RSL1D1: variants seen among roughly 807,000 people sequenced by gnomAD.
RSL1D1 encodes the protein ribosomal L1 domain-containing protein 1.
In RSL1D1, 34 loss-of-function variants were observed where a neutral mutation model predicts 44.6. The ratio of observed to expected loss-of-function variants is 0.76; its 90% CI spans 0.58 to 1.02. The LOEUF is 1.02. Among genes scored for constraint, RSL1D1 ranks in the 50% least tolerant of loss-of-function variants. The pLI is 0.00. For missense variants in RSL1D1, 767 were observed against 568.1 expected (o/e 1.35, Z -3.56); for synonymous variants, 271 against 207.4 (o/e 1.31, Z -2.63).
intron 8 of RSL1D1, among the ~76,000 whole-genome samples, chr16:11,838,770 T>C (rs2053739948): frequency 1.3e-5 from 2 of 150,518 alleles, no homozygotes; most frequent in Non-Finnish European, 3.0e-5. Flanking sequence ...GGCACGAGAA[T>C]TGCTTGGGCA....
intron 8 of RSL1D1, among the ~76,000 whole-genome samples, chr16:11,838,870 A>AAAG (rs1567417446): frequency 7.3e-6 from 1 of 136,886 alleles, no homozygotes; most frequent in East Asian, 2.0e-4. Context: ...AAAAAAAAAC[A>AAAG]AAAAAAAACT....
intron 5 of RSL1D1, among the ~76,000 whole-genome samples, chr16:11,842,961 G>A (rs2053772973): frequency 7.0e-6 from 1 of 143,492 alleles, no homozygotes; most frequent in Non-Finnish European, 1.5e-5. Context: ...TTCACTCGTT[G>A]CCCAGGCTGG....
At chr16:11,845,512 A>G (rs1354249709) in intron 5 of RSL1D1, among the ~76,000 whole-genome samples, 1 of 152,110 alleles carries the variant, frequency 6.6e-6, no homozygotes, top group African/African-American at 2.4e-5. Context: ...TAGTATCTGG[A>G]GCTGCCCCGT....
At chr16:11,846,059 G>C (rs866016597) in intron 5 of RSL1D1, among the ~76,000 whole-genome samples, 1 of 150,614 alleles carries the variant, frequency 6.6e-6, no homozygotes, top group South Asian at 2.1e-4. Context: ...CTGAGGAATA[G>C]ATTTTAGTTT....
At chr16:11,850,480 G>T (rs1221255410) in intron 1 of RSL1D1, 62 bp from the exon 2 acceptor site, 4 of 1,521,342 alleles carry the variant, frequency 2.6e-6, no homozygotes, top group South Asian at 1.2e-5. Context: ...ACAAATAAAT[G>T]AAATGTTCTC....
Position 11,847,662 on chromosome 16 carries a change from T to A in RSL1D1, c.384+6A>T. ...ATAACTTGAAAATATTAACCAGGCT[T>A]CCTACCTGAGAAACGGTTTTAATTC... is the stretch of plus-strand genomic sequence containing the variant. On this transcript the variant is annotated splice_donor_region_variant and intron_variant, in intron 3 of 8. Transcript: ENST00000571133. 1 of 1,604,366 alleles carries A rather than the reference T, an allele frequency of 6.2e-7. No individual in the cohort carries two copies. Among genetic ancestry groups the A allele is most frequent in the South Asian group, 1.1e-5 (1 of 89,586 alleles).
At chr16:11,850,705 G>A (rs940948327) in intron 1 of RSL1D1, among the ~76,000 whole-genome samples, 1 of 152,158 alleles carries the variant, frequency 6.6e-6, no homozygotes, top group Non-Finnish European at 1.5e-5. Flanking sequence ...AGAGGGAAAC[G>A]TGCCCCTCCT....
At chr16:11,842,513 C>T (rs1454378335) in intron 5 of RSL1D1, among the ~76,000 whole-genome samples, 1 of 151,824 alleles carries the variant, frequency 6.6e-6, no homozygotes, top group Non-Finnish European at 1.5e-5. Flanking sequence ...GCTGGGACTA[C>T]AGGTCACCCA....
intron 1 of RSL1D1, 72 bp downstream of exon 1, chr16:11,851,336 G>A (rs2053836039): frequency 3.5e-6 from 5 of 1,436,382 alleles, no homozygotes; most frequent in Non-Finnish European, 4.9e-6. Context: ...ACGCACTCGG[G>A]TTCCGGCACC....
At chr16:11,842,293 T>C (rs2053768683) in intron 5 of RSL1D1, among the ~76,000 whole-genome samples, 1 of 150,506 alleles carries the variant, frequency 6.6e-6, no homozygotes, top group Admixed American at 6.6e-5. Flanking sequence ...ATCTGGCGAC[T>C]GCACTCCAGC....
intron 1 of RSL1D1, chr16:11,851,148 A>C (rs2053834511): frequency 1.9e-6 from 1 of 537,042 alleles, no homozygotes; most frequent in Non-Finnish European, 3.4e-6. Flanking sequence ...AGGGAAGCTA[A>C]GCCAGGTCGC....
In RSL1D1 at chr16:11,851,392, C is replaced by A; in HGVS notation, c.105+16G>T. 1 of 1,612,574 alleles carries A rather than the reference C, an allele frequency of 6.2e-7. No individual in the cohort carries two copies. The highest frequency in any genetic ancestry group is 1.3e-5 in the African/African-American group (1 of 75,048). On this transcript the variant is annotated intron_variant, in intron 1 of 8. Transcript: ENST00000571133. Reference sequence around the variant, plus strand: ...GCCACACTGCTTCCAAGCCACCCTCCCCAGGAACCACTCACCTGTTCTTTA... The same window carrying A: ...GCCACACTGCTTCCAAGCCACCCTCACCAGGAACCACTCACCTGTTCTTTA...
intron 2 of RSL1D1, among the ~76,000 whole-genome samples, chr16:11,848,633 C>T (rs1271122748): frequency 2.6e-5 from 4 of 152,104 alleles, no homozygotes; most frequent in Non-Finnish European, 5.9e-5. Flanking sequence ...ACTCCAGGCA[C>T]GTACCAGTTG....
intron 5 of RSL1D1, among the ~76,000 whole-genome samples, chr16:11,845,762 T>G (rs561111079): frequency 6.6e-6 from 1 of 151,984 alleles, no homozygotes; most frequent in South Asian, 2.1e-4. Context: ...TGCTCTGTCA[T>G]TCAGACTGGA....
In RSL1D1 at chr16:11,838,075, CTT is replaced by C; in HGVS notation, c.1183_1184del (p.Lys395GlufsTer3). ...CACGAGGTGTGCTGGGATTAGGACT[CTT>C]TGCTGGAGACTTCTTTCCTGTGGCA... is the stretch of plus-strand genomic sequence containing the variant. ...KHATGKKSPA[K>X]SPNPSTPRGK... On this transcript the variant is annotated frameshift_variant, in exon 9 of 9. Transcript: ENST00000571133. LOFTEE classifies it low-confidence loss of function (END_TRUNC). 1.3e-6 allele frequency: 2 copies of C among 1,594,394 alleles called. No homozygotes were observed. The highest frequency in any genetic ancestry group is 1.7e-6 in the Non-Finnish European group (2 of 1,174,980).
intron 8 of RSL1D1, among the ~76,000 whole-genome samples, chr16:11,838,647 A>C (rs1253563050): frequency 6.6e-6 from 1 of 151,688 alleles, no homozygotes; most frequent in Non-Finnish European, 1.5e-5. Flanking sequence ...ACTTGAGGCC[A>C]GGAGTTCAAG....
rs1032693891 is a variant in RSL1D1, at chr16:11,836,815, C to A, written c.*972G>T. 3 of 152,102 alleles carry A rather than the reference C, an allele frequency of 2.0e-5. No individual in the cohort carries two copies. Among genetic ancestry groups the A allele is most frequent in the Admixed American group, 6.5e-5 (1 of 15,270 alleles). 9.4% of individuals were successfully genotyped at this position (152,102 alleles called of 1,614,324 possible). Reference sequence around the variant, plus strand: ...AATTCCGTAGCCGACTCTCATACAGCGAGACCCTCACTGGGCCACTCTGGG... The same window carrying A: ...AATTCCGTAGCCGACTCTCATACAGAGAGACCCTCACTGGGCCACTCTGGG... On this transcript the variant is annotated 3_prime_UTR_variant, in exon 9 of 9. Coordinates refer to ENST00000571133, the MANE Select transcript of RSL1D1 (RefSeq NM_015659.3).
Position 11,851,370 on chromosome 16 carries a change from A to G in RSL1D1, c.105+38T>C. ...CCCTGCGCCTCACGAGGTAACCGCC[A>G]CACTGCTTCCAAGCCACCCTCCCCA... On this transcript the variant is annotated intron_variant, in intron 1 of 8. Coordinates refer to ENST00000571133, the MANE Select transcript of RSL1D1 (RefSeq NM_015659.3). 3 of 1,593,780 alleles carry G rather than the reference A, an allele frequency of 1.9e-6. No individual in the cohort carries two copies. The South Asian group carries it at 3.3e-5, about 18-fold the overall frequency.
intron 5 of RSL1D1, among the ~76,000 whole-genome samples, chr16:11,846,177 G>C (rs1296588709): frequency 6.6e-6 from 1 of 151,574 alleles, no homozygotes; most frequent in Non-Finnish European, 1.5e-5. Flanking sequence ...CGGATCATGA[G>C]GTCAGGAGAT....
Sources: gnomAD v4.1 joint callset for allele counts (sites outside exome capture counted in the v4.1 genomes callset) on GRCh38, gnomAD v4.1.1 for gene constraint, MANE v1.5 for transcripts, NCBI Gene and HGNC (gene_info 2026-07-23, HGNC 2026-07-21) for gene names.